DTWD2: variants seen among roughly 807,000 people sequenced by gnomAD.
DTWD2 encodes DTW motif tRNA-uridine aminocarboxypropyltransferase 2.
A neutral mutation model predicts 31.8 loss-of-function variants in DTWD2; 39 were observed. The ratio of observed to expected loss-of-function variants is 1.22; its 90% CI spans 0.95 to 1.60. The LOEUF is 1.60. Ranked by LOEUF, DTWD2 falls within the 40% of genes most tolerant of loss-of-function variation. The pLI is 0.00. For missense variants in DTWD2, 515 were observed against 381.5 expected, an observed-to-expected ratio of 1.35 and a Z score of -2.92; for synonymous variants, 180 against 142.8, an observed-to-expected ratio of 1.26 and a Z score of -1.86.
intron 4 of DTWD2, among the ~76,000 whole-genome samples, chr5:118,877,045 T>C (rs1430316537): frequency 6.6e-6 from 1 of 152,240 alleles, no homozygotes; most frequent in Non-Finnish European, 1.5e-5. Flanking sequence ...AAGTAGGCTT[T>C]ATCCCTGGAA....
At chr5:118,852,965 A>G (rs560689208) in intron 4 of DTWD2, among the ~76,000 whole-genome samples, 1 of 152,302 alleles carries the variant, frequency 6.6e-6, no homozygotes, top group South Asian at 2.1e-4. Flanking sequence ...ATGCAGGAAC[A>G]GAAAACCAAA....
At chr5:118,938,311 A>C (rs570533288) in intron 3 of DTWD2, among the ~76,000 whole-genome samples, 16 of 152,356 alleles carry the variant, frequency 1.1e-4, no homozygotes, top group African/African-American at 3.8e-4. Flanking sequence ...GGAATCTACA[A>C]AACAATTTCT....
intron 4 of DTWD2, among the ~76,000 whole-genome samples, chr5:118,878,469 T>C (rs561366379): frequency 3.9e-5 from 6 of 152,286 alleles, no homozygotes; most frequent in African/African-American, 1.2e-4. Context: ...ATGCAGAAGA[T>C]TGATACTGGA....
intron 4 of DTWD2, among the ~76,000 whole-genome samples, chr5:118,892,683 T>G (rs974155005): frequency 6.6e-6 from 1 of 152,064 alleles, no homozygotes; most frequent in Non-Finnish European, 1.5e-5. Flanking sequence ...TGCTGGGAAA[T>G]ACACATTGTC....
chr5:118,928,601 T>C lies in DTWD2; in HGVS notation c.533A>G (p.Asp178Gly), dbSNP rs1336876597. The change falls in exon 4 of 6, where the codon GAT becomes GGT. Residue 178 changes from aspartate to glycine, a missense_variant. Coordinates refer to ENST00000510708, the MANE Select transcript of DTWD2 (RefSeq NM_173666.4). ...GTCCTTAGCCTGGCTCCATGTACCATCAATGATGATGATTGTAGAAGGATA... is the reference window on the plus strand; with the variant it reads ...GTCCTTAGCCTGGCTCCATGTACCACCAATGATGATGATTGTAGAAGGATA... ...PVYPSTIIII[D>G]GTWSQAKDIF... 6.3e-7 allele frequency: 1 copy of C among 1,594,668 alleles called. No individual in the cohort carries two copies. Among genetic ancestry groups the C allele is most frequent in the Non-Finnish European group, 8.5e-7 (1 of 1,170,294 alleles).
chr5:118,920,508 T>G (rs558744899), intron 4 of DTWD2, among the ~76,000 whole-genome samples: 1 of 152,150 alleles, frequency 6.6e-6, no homozygotes, highest in South Asian at 2.1e-4. Flanking sequence ...TTAAACACAG[T>G]TCATTTTGTT....
chr5:118,942,363 A>C (rs990967782), intron 2 of DTWD2, among the ~76,000 whole-genome samples: 1 of 152,022 alleles, frequency 6.6e-6, no homozygotes, highest in East Asian at 1.9e-4. Flanking sequence ...AAATAATAAT[A>C]ATAGAAAATT....
At chr5:118,860,962 G>A (rs1220015735) in intron 4 of DTWD2, among the ~76,000 whole-genome samples, 1 of 152,116 alleles carries the variant, frequency 6.6e-6, no homozygotes, top group Non-Finnish European at 1.5e-5. Context: ...TTTGGGGTAA[G>A]CTAAGTGCAA....
At position 118,929,407 on chromosome 5, in the gene DTWD2, T is replaced by A. The variant is rs566354934; in HGVS notation, c.405-678A>T. On this transcript the variant is annotated intron_variant, in intron 3 of 5. Coordinates refer to ENST00000510708, the MANE Select transcript of DTWD2 (RefSeq NM_173666.4). Reference sequence around the variant, plus strand: ...TTCACAGAGTGCTAAGTGTTCAAACTGTGTTCAAATAAGGCACACCCCAAC... The same window carrying A: ...TTCACAGAGTGCTAAGTGTTCAAACAGTGTTCAAATAAGGCACACCCCAAC... Among the ~76,000 whole-genome samples, 7 of 152,266 alleles carry A rather than the reference T, an allele frequency of 4.6e-5. No homozygotes were observed. The South Asian group carries it at 6.2e-4, about 14-fold the overall frequency.
intron 4 of DTWD2, among the ~76,000 whole-genome samples, chr5:118,915,398 A>G (rs924328319): frequency 1.4e-5 from 2 of 147,920 alleles, no homozygotes; most frequent in African/African-American, 5.0e-5. Flanking sequence ...TTTTTCAGAC[A>G]GAGTCTCGCT....
chr5:118,955,549 G>C (rs1580435372), intron 1 of DTWD2, among the ~76,000 whole-genome samples: 2 of 152,116 alleles, frequency 1.3e-5, no homozygotes, highest in South Asian at 4.1e-4. Context: ...GCATACCTAA[G>C]TGCCAGATAT....
In DTWD2 at chr5:118,978,539, C is replaced by A. The variant is rs549029939; in HGVS notation, c.218+9755G>T. Among the ~76,000 whole-genome samples, 129 of 152,200 alleles carry A rather than the reference C, an allele frequency of 8.5e-4. 1 individual carries two copies. The Middle Eastern group carries it at 0.02, about 24-fold the overall frequency. On this transcript the variant is annotated intron_variant, in intron 1 of 5. Coordinates refer to ENST00000510708, the MANE Select transcript of DTWD2 (RefSeq NM_173666.4). ...TTTAAATAAATGTATCAGAAAAAAACCAACAACCCCATTAAGAAGCGGGCA... is the reference window on the plus strand; with the variant it reads ...TTTAAATAAATGTATCAGAAAAAAAACAACAACCCCATTAAGAAGCGGGCA...
Position 118,936,587 on chromosome 5 carries a change from T to C in DTWD2, c.404+2609A>G, listed in dbSNP as rs184239742. ...TGGAAGGCCAAGATGAGAGGATCACTTGAGGCCAGGAGTTTGAGACGAGGC... is the reference window on the plus strand; with the variant it reads ...TGGAAGGCCAAGATGAGAGGATCACCTGAGGCCAGGAGTTTGAGACGAGGC... On this transcript the variant is annotated intron_variant, in intron 3 of 5. Coordinates refer to ENST00000510708, the MANE Select transcript of DTWD2 (RefSeq NM_173666.4). Among the ~76,000 whole-genome samples, 288 of 152,218 alleles carry C rather than the reference T, an allele frequency of 1.9e-3. 1 individual carries two copies. The highest frequency in any genetic ancestry group is 6.7e-3 in the African/African-American group (278 of 41,544).
chr5:118,851,691 G>C (rs1038585202), intron 4 of DTWD2, among the ~76,000 whole-genome samples: 9 of 127,852 alleles, frequency 7.0e-5, no homozygotes, highest in African/African-American at 2.6e-4. Context: ...GCCTGTTGTG[G>C]GGTGGGGGGA....
chr5:118,939,054 CAGGGGTT>C (rs1242322587), intron 3 of DTWD2, 135 bp downstream of exon 3: 5 of 537,086 alleles, frequency 9.3e-6, no homozygotes, highest in Non-Finnish European at 1.5e-5. Flanking sequence ...TTTGTGTGGT[CAGGGGTT>C]AGCAGAACCT....
chr5:118,983,573 C>G (rs1216186522), intron 1 of DTWD2, among the ~76,000 whole-genome samples: 6 of 151,678 alleles, frequency 4.0e-5, no homozygotes, highest in Non-Finnish European at 8.8e-5. Flanking sequence ...AATATCCAAG[C>G]CTAAAGAATA....
chr5:118,963,312 T>A (rs908247183), intron 1 of DTWD2, among the ~76,000 whole-genome samples: 3 of 152,184 alleles, frequency 2.0e-5, no homozygotes, highest in African/African-American at 7.2e-5. Flanking sequence ...AAATAGAGTA[T>A]GATTGCAGAA....
chr5:118,879,380 G>T (rs1752690000), intron 4 of DTWD2, among the ~76,000 whole-genome samples: 2 of 152,038 alleles, frequency 1.3e-5, no homozygotes, highest in Admixed American at 6.6e-5. Flanking sequence ...GCTGATATTG[G>T]GCCTTTGACT....
At chr5:118,980,788 A>G (rs1755282951) in intron 1 of DTWD2, among the ~76,000 whole-genome samples, 1 of 152,228 alleles carries the variant, frequency 6.6e-6, no homozygotes, top group Non-Finnish European at 1.5e-5. Context: ...TGACCCAGCT[A>G]TTCCACTCCT....
Sources: allele counts gnomAD v4.1 joint callset (sites outside exome capture counted in the v4.1 genomes callset), GRCh38; gene constraint gnomAD v4.1.1; transcripts MANE v1.5; gene names NCBI Gene and HGNC (gene_info 2026-07-23, HGNC 2026-07-21).